RNF220: variants seen among roughly 807,000 people sequenced by gnomAD.
RNF220 encodes the protein ring finger protein 220, also known as E3 ubiquitin-protein ligase RNF220.
Under a neutral mutation model 67.1 loss-of-function variants are expected in RNF220, and 7 were observed. The observed-to-expected ratio is 0.10, with a 90% CI of 0.06 to 0.20. The LOEUF (loss-of-function observed/expected upper bound fraction) is 0.20, where lower values mean the gene tolerates loss of function less well. Ranked by LOEUF, RNF220 falls within the 10% of genes least tolerant of loss-of-function variation. The probability of loss-of-function intolerance (pLI) is 1.00; values close to 1 mark genes in which losing one functional copy is unlikely to be tolerated. For missense variants in RNF220, 565 were observed against 740.3 expected, an observed-to-expected ratio of 0.76 and a Z score of 2.75; for synonymous variants, 270 against 283.2, an observed-to-expected ratio of 0.95 and a Z score of 0.47.
intron 2 of RNF220, among the ~76,000 whole-genome samples, chr1:44,580,046 A>G (rs910584801): frequency 5.8e-5 from 8 of 137,758 alleles, no homozygotes; most frequent in South Asian, 2.3e-4. Flanking sequence ...AAAAAAAAAA[A>G]AAAAAAAAAA....
At chr1:44,488,152 T>TC (rs1326760541) in intron 2 of RNF220, among the ~76,000 whole-genome samples, 1 of 150,800 alleles carries the variant, frequency 6.6e-6, no homozygotes, top group Non-Finnish European at 1.5e-5. Flanking sequence ...TTTTTTTTTT[T>TC]TGAGACAGAG....
At chr1:44,463,595 T>C (rs1450847090) in intron 2 of RNF220, among the ~76,000 whole-genome samples, 1 of 152,130 alleles carries the variant, frequency 6.6e-6, no homozygotes, top group African/African-American at 2.4e-5. Context: ...TGCCACAGAA[T>C]GTGAATCTGC....
chr1:44,523,670 C>G (rs1317043276), intron 2 of RNF220, among the ~76,000 whole-genome samples: 1 of 151,942 alleles, frequency 6.6e-6, no homozygotes, highest in Non-Finnish European at 1.5e-5. Context: ...TTGAAAGAAC[C>G]TGCTTCGCAT....
chr1:44,610,338 C>T (rs911715662), intron 2 of RNF220, among the ~76,000 whole-genome samples: 1 of 152,208 alleles, frequency 6.6e-6, no homozygotes, highest in Non-Finnish European at 1.5e-5. Context: ...GGCAAGCGCC[C>T]GCACCCGCCA....
intron 2 of RNF220, among the ~76,000 whole-genome samples, chr1:44,465,856 C>A (rs751021926): frequency 6.6e-6 from 1 of 151,914 alleles, no homozygotes; most frequent in Non-Finnish European, 1.5e-5. Context: ...ATCATCTGAG[C>A]CTTCAGCAAA....
At chr1:44,416,754 C>T (rs141033684) in intron 2 of RNF220, among the ~76,000 whole-genome samples, 6 of 152,190 alleles carry the variant, frequency 3.9e-5, no homozygotes, top group African/African-American at 9.7e-5. Flanking sequence ...TCACTGTGGT[C>T]GGGCAGAGTC....
chr1:44,590,826 G>A (rs1246596996), intron 2 of RNF220, among the ~76,000 whole-genome samples: 2 of 152,180 alleles, frequency 1.3e-5, no homozygotes, highest in African/African-American at 4.8e-5. Context: ...AAGTCTTGGG[G>A]GCTAGAGGAC....
At position 44,645,243 on chromosome 1, in the gene RNF220, A is replaced by C; in HGVS notation, c.1333A>C (p.Ile445Leu). ...CAGTGGCGGCCCTCCCAGCACGCGC[A>C]TCACACCTGAGTTCTCTAAATGGGC... ...VLNGGPPSTR[I>L]TPEFSKWASD... is the part of the protein sequence containing the mutation. Residue 445 changes from isoleucine to leucine, a missense_variant, in exon 11 of 15, where the codon ATC becomes CTC. By Grantham distance (5) the Ile-to-Leu change is conservative (BLOSUM62 2). Transcript: ENST00000361799. The surrounding 1 kb of genome is among the most constrained non-coding windows in gnomAD (Gnocchi z 5.0). 1 of 1,613,846 alleles carries C rather than the reference A, an allele frequency of 6.2e-7. No individual in the cohort carries two copies. The highest frequency in any genetic ancestry group is 8.5e-7 in the Non-Finnish European group (1 of 1,179,964).
intron 5 of RNF220, chr1:44,632,053 C>G (rs1644151420): frequency 9.0e-7 from 1 of 1,105,112 alleles, no homozygotes; most frequent in African/African-American, 1.7e-5. Flanking sequence ...CATCGCCGCC[C>G]TCGCCGGCCG....
At chr1:44,499,595 C>G (rs1657645628) in intron 2 of RNF220, among the ~76,000 whole-genome samples, 1 of 152,090 alleles carries the variant, frequency 6.6e-6, no homozygotes, top group Admixed American at 6.6e-5. Flanking sequence ...TTGGAGTACC[C>G]TTGACTTAGT....
At chr1:44,552,656 C>T (rs960271902) in intron 2 of RNF220, among the ~76,000 whole-genome samples, 9 of 144,872 alleles carry the variant, frequency 6.2e-5, no homozygotes, top group Admixed American at 3.5e-4. Context: ...CTGCAAGCTC[C>T]GCCTCCCGGG....
intron 2 of RNF220, among the ~76,000 whole-genome samples, chr1:44,425,470 C>T (rs1240223086): frequency 6.6e-6 from 1 of 152,112 alleles, no homozygotes; most frequent in African/African-American, 2.4e-5. Flanking sequence ...TGGCTCTACT[C>T]ACTTGGACAT....
chr1:44,495,143 G>T (rs1324966289), intron 2 of RNF220, among the ~76,000 whole-genome samples: 2 of 151,970 alleles, frequency 1.3e-5, no homozygotes, highest in Non-Finnish European at 2.9e-5. Flanking sequence ...AGGCTGGGAG[G>T]TTGAGGCTGC....
At chr1:44,427,102 A>G (rs935712292) in intron 2 of RNF220, among the ~76,000 whole-genome samples, 7 of 152,170 alleles carry the variant, frequency 4.6e-5, no homozygotes, top group Non-Finnish European at 2.9e-5. Flanking sequence ...TCCTCATAAA[A>G]TCCCTACGAG....
At chr1:44,594,133 CA>C (rs1166221197) in intron 2 of RNF220, among the ~76,000 whole-genome samples, 1 of 151,636 alleles carries the variant, frequency 6.6e-6, no homozygotes, top group Non-Finnish European at 1.5e-5. Flanking sequence ...GCTTGAATAA[CA>C]ACCTACCACC....
intron 6 of RNF220, 195 bp downstream of exon 6, chr1:44,632,580 G>A (rs1460182328): frequency 3.2e-6 from 2 of 630,130 alleles, no homozygotes; most frequent in Non-Finnish European, 5.6e-6. Flanking sequence ...GAGGTATGGC[G>A]CCCAGCTCTT....
At chr1:44,648,480 T>A (rs1644707574) in intron 12 of RNF220, 1 of 152,214 alleles carries the variant, frequency 6.6e-6, no homozygotes, top group Admixed American at 6.5e-5. Context: ...ATCTGTGAGC[T>A]CCCCTGGATC....
intron 2 of RNF220, among the ~76,000 whole-genome samples, chr1:44,459,452 A>C: frequency 7.2e-6 from 1 of 138,244 alleles, no homozygotes; most frequent in Admixed American, 7.2e-5. Flanking sequence ...ACCCCCCCTA[A>C]TAAACCCCCC....
At chr1:44,484,010 TG>T (rs943430461) in intron 2 of RNF220, among the ~76,000 whole-genome samples, 2 of 152,200 alleles carry the variant, frequency 1.3e-5, no homozygotes, top group South Asian at 2.1e-4. Flanking sequence ...CTCCAAAATC[TG>T]GGAATAACTG....
Sources: allele counts gnomAD v4.1 joint callset (sites outside exome capture counted in the v4.1 genomes callset), GRCh38; gene constraint gnomAD v4.1.1; non-coding constraint Gnocchi (gnomAD v3.1); transcripts MANE v1.5; gene names NCBI Gene and HGNC (gene_info 2026-07-23, HGNC 2026-07-21).